Variants in ELMO1 observed in about 807,000 individuals in gnomAD.
ELMO1 encodes engulfment and cell motility protein 1.
Under a neutral mutation model 98.9 loss-of-function variants are expected in ELMO1, and 26 were observed. The ratio of observed to expected loss-of-function variants is 0.26; its 90% CI spans 0.19 to 0.36. The LOEUF is 0.36. Among genes scored for constraint, ELMO1 ranks in the 10% least tolerant of loss-of-function variants. The pLI, the probability that ELMO1 is intolerant of heterozygous loss-of-function variation, is 1.00. For missense variants in ELMO1, 627 were observed against 935.2 expected, an observed-to-expected ratio of 0.67 and a Z score of 4.30; for synonymous variants, 346 against 346.0, an observed-to-expected ratio of 1.00 and a Z score of 0.00.
intron 1 of ELMO1, chr7:37,375,377 T>C (rs1220999976): frequency 8.7e-6 from 5 of 577,416 alleles, no homozygotes; most frequent in South Asian, 4.2e-5. Flanking sequence ...CACTTACCTA[T>C]GCAGGTCTTA....
At position 37,318,006 on chromosome 7, in the gene ELMO1, G is replaced by A. The variant is rs191294818; in HGVS notation, c.79-2046C>T. Among the ~76,000 whole-genome samples, 366 of 152,286 alleles carry A rather than the reference G, an allele frequency of 2.4e-3. 2 individuals carry two copies. Among genetic ancestry groups the A allele is most frequent in the African/African-American group, 8.2e-3 (342 of 41,546 alleles). On this transcript the variant is annotated intron_variant, in intron 2 of 21. Transcript: ENST00000310758. Reference sequence around the variant, plus strand: ...AAATGAATGCGGTTGGAGAGAAAAGGAAACCTAGAATTACTGAGGAGCAGA... The same window carrying A: ...AAATGAATGCGGTTGGAGAGAAAAGAAAACCTAGAATTACTGAGGAGCAGA...
At chr7:36,969,059 A>T (rs570799285) in intron 16 of ELMO1, among the ~76,000 whole-genome samples, 1 of 152,224 alleles carries the variant, frequency 6.6e-6, no homozygotes, top group South Asian at 2.1e-4. Context: ...CATGTAAGTG[A>T]TGCATTTTTG....
At chr7:37,351,691 CT>C (rs1801275333) in intron 1 of ELMO1, among the ~76,000 whole-genome samples, 1 of 152,190 alleles carries the variant, frequency 6.6e-6, no homozygotes, top group Non-Finnish European at 1.5e-5. Flanking sequence ...GTTTCTGTCC[CT>C]TACAATTGAA....
chr7:37,333,812 C>G (rs1283585380), intron 2 of ELMO1, among the ~76,000 whole-genome samples: 4 of 152,170 alleles, frequency 2.6e-5, no homozygotes, highest in African/African-American at 9.7e-5. Flanking sequence ...AGCAATGGTG[C>G]AGTATCACAG....
chr7:37,005,070 C>G (rs1792951962), intron 16 of ELMO1, among the ~76,000 whole-genome samples: 1 of 143,658 alleles, frequency 7.0e-6, no homozygotes, highest in African/African-American at 2.6e-5. Context: ...GATCACGCCA[C>G]CGCACTCCAG....
intron 4 of ELMO1, among the ~76,000 whole-genome samples, chr7:37,298,283 T>G (rs1347081701): frequency 4.9e-5 from 3 of 61,562 alleles, no homozygotes; most frequent in East Asian, 3.3e-4. Flanking sequence ...AGGAAGTTTT[T>G]TTTGTTTTTT....
chr7:37,180,266 G>A (rs1423323394), intron 13 of ELMO1, among the ~76,000 whole-genome samples: 2 of 152,096 alleles, frequency 1.3e-5, no homozygotes, highest in Admixed American at 6.6e-5. Flanking sequence ...CCGTCTCCGT[G>A]CCATCACTGG....
intron 13 of ELMO1, among the ~76,000 whole-genome samples, chr7:37,201,585 G>A (rs1275460649): frequency 6.6e-6 from 1 of 152,218 alleles, no homozygotes; most frequent in African/African-American, 2.4e-5. Context: ...ACCGGGTCCT[G>A]ATGAAAGCTT....
chr7:37,023,865 T>G (rs145762594), intron 15 of ELMO1, among the ~76,000 whole-genome samples: 1 of 152,182 alleles, frequency 6.6e-6, no homozygotes, highest in African/African-American at 2.4e-5. Flanking sequence ...ATTACAGGCA[T>G]GAGCCACCGG....
chr7:37,094,578 G>T (rs762560955), intron 15 of ELMO1, among the ~76,000 whole-genome samples: 1 of 152,044 alleles, frequency 6.6e-6, no homozygotes, highest in Non-Finnish European at 1.5e-5. Context: ...CACTGGATGG[G>T]GATCCACTGA....
chr7:36,861,548 G>T, intron 21 of ELMO1, 111 bp downstream of exon 21: 1 of 1,258,818 alleles, frequency 7.9e-7, no homozygotes, highest in Non-Finnish European at 1.1e-6. Context: ...GATGCCCCTT[G>T]GTTCATCATT....
In ELMO1 at chr7:36,854,770, T is replaced by A. The variant is rs995095620; in HGVS notation, c.*781A>T. ...GCGAGACTACTGATTTCACCATTTG[T>A]GCTTTCAGCTAAGAGGCTGGGAGCG... On this transcript the variant is annotated 3_prime_UTR_variant, in exon 22 of 22. Transcript: ENST00000310758. The A allele has an allele frequency of 6.5e-6, 1 of 153,252 alleles. No individual in the cohort carries two copies. The highest frequency in any genetic ancestry group is 6.5e-5 in the Admixed American group (1 of 15,314). 9.5% of individuals were successfully genotyped at this position (153,252 alleles called of 1,614,324 possible). A position where few individuals can be genotyped will look rare whatever the true frequency, so the allele number is the denominator to read the frequency against.
intron 16 of ELMO1, among the ~76,000 whole-genome samples, chr7:36,937,205 T>C (rs1786612242): frequency 6.6e-6 from 1 of 152,248 alleles, no homozygotes; most frequent in Non-Finnish European, 1.5e-5. Context: ...CCATTGCAGA[T>C]GTAATTAGTT....
chr7:37,270,873 T>TCC (rs1234907925), intron 5 of ELMO1: 12 of 96,306 alleles, frequency 1.2e-4, no homozygotes, highest in Non-Finnish European at 2.4e-5. Flanking sequence ...TTAAACTCTC[T>TCC]CTCTCTCTCA....
rs116723097 is a variant in ELMO1, at chr7:37,447,899, C to T, written c.-74+776G>A. Among the ~76,000 whole-genome samples the T allele has an allele frequency of 8.7e-3, 1,330 of 152,106 alleles. 18 individuals carry two copies. Among genetic ancestry groups the T allele is most frequent in the African/African-American group, 0.03 (1,262 of 41,508 alleles). On this transcript the variant is annotated intron_variant, in intron 1 of 21. Transcript: ENST00000310758. Reference sequence around the variant, plus strand: ...ACTCTCCGCTCCGATTCCCGGGCCCCCTGGCATGCCGCCGCCCCCTTCTCT... The same window carrying T: ...ACTCTCCGCTCCGATTCCCGGGCCCTCTGGCATGCCGCCGCCCCCTTCTCT...
rs146957192 is a variant in ELMO1, at chr7:37,000,079, C to T, written c.1437+13220G>A. 2.3e-3 allele frequency among the ~76,000 whole-genome samples: 348 copies of T among 152,276 alleles called. 2 individuals carry two copies. In the Middle Eastern group the frequency reaches 0.031, roughly 13 times the overall value. Reference sequence around the variant, plus strand: ...AGCAAATGTCCAGGCTTGCCCAGTGCCAAAACCACAATAAAACAAGCCAAG... The same window carrying T: ...AGCAAATGTCCAGGCTTGCCCAGTGTCAAAACCACAATAAAACAAGCCAAG... On this transcript the variant is annotated intron_variant, in intron 16 of 21. Coordinates refer to ENST00000310758, the MANE Select transcript of ELMO1 (RefSeq NM_014800.11).
intron 1 of ELMO1, among the ~76,000 whole-genome samples, chr7:37,416,583 C>T (rs1383366751): frequency 3.3e-5 from 5 of 152,178 alleles, no homozygotes; most frequent in Non-Finnish European, 5.9e-5. Context: ...TAGATTCCCG[C>T]CCTAAAAGGA....
At chr7:37,357,428 C>A (rs997197821) in intron 1 of ELMO1, among the ~76,000 whole-genome samples, 2 of 152,118 alleles carry the variant, frequency 1.3e-5, no homozygotes, top group Non-Finnish European at 2.9e-5. Flanking sequence ...AGCTGCCCCC[C>A]AGAAGCTGTG....
At chr7:37,134,203 T>C (rs1787110612) in intron 13 of ELMO1, among the ~76,000 whole-genome samples, 1 of 152,170 alleles carries the variant, frequency 6.6e-6, no homozygotes, top group Non-Finnish European at 1.5e-5. Flanking sequence ...GAAAACACTA[T>C]GGAGATTTCT....
Sources: gnomAD v4.1 joint callset for allele counts (sites outside exome capture counted in the v4.1 genomes callset) on GRCh38, gnomAD v4.1.1 for gene constraint, MANE v1.5 for transcripts, NCBI Gene and HGNC (gene_info 2026-07-23, HGNC 2026-07-21) for gene names.